Variants in PUS7 observed in about 807,000 individuals in gnomAD.
PUS7 encodes the protein pseudouridylate synthase 7 homolog.
A neutral mutation model predicts 79.8 loss-of-function variants in PUS7; 48 were observed. The ratio of observed to expected loss-of-function variants is 0.60; its 90% CI spans 0.48 to 0.76. The LOEUF (loss-of-function observed/expected upper bound fraction) is 0.76. PUS7 is among the 30% of genes least tolerant of loss of function. The pLI, the probability that PUS7 is intolerant of heterozygous loss-of-function variation, is 0.00. For synonymous variants in PUS7, 286 were observed against 272.2 expected (o/e 1.05, Z -0.50); for missense variants, 729 against 797.6 (o/e 0.91, Z 1.04).
At chr7:105,463,278 A>G (rs1461067173) in intron 13 of PUS7, among the ~76,000 whole-genome samples, 2 of 152,220 alleles carry the variant, frequency 1.3e-5, no homozygotes, top group Non-Finnish European at 2.9e-5. Context: ...TTTGTGAGGC[A>G]TGCAATTATT....
chr7:105,460,243 T>C lies in PUS7; in HGVS notation c.1758-984A>G, dbSNP rs946375177. ...GTGAGCCACCGTGCCCAGCCGACAA[T>C]TCTTTTTAAATGAAGTTGAGAGTCA... On this transcript the variant is annotated intron_variant, in intron 14 of 15. Transcript: ENST00000469408. 2.0e-5 allele frequency among the ~76,000 whole-genome samples: 3 copies of C among 152,026 alleles called. No homozygotes were observed. In the South Asian group the frequency reaches 6.2e-4, roughly 32 times the overall value.
At chr7:105,492,141 C>T (rs1824809530) in intron 6 of PUS7, among the ~76,000 whole-genome samples, 2 of 151,872 alleles carry the variant, frequency 1.3e-5, no homozygotes, top group African/African-American at 4.8e-5. Context: ...GTGGCATGCA[C>T]CTACAGTCCC....
chr7:105,482,817 A>G (rs996918235), intron 7 of PUS7, among the ~76,000 whole-genome samples: 8 of 152,184 alleles, frequency 5.3e-5, no homozygotes, highest in African/African-American at 1.9e-4. Context: ...GGTATCAAGC[A>G]TTTAAAAAAA....
At chr7:105,494,362 C>T (rs11978693) in intron 6 of PUS7, among the ~76,000 whole-genome samples, 6,762 of 151,164 alleles carry the variant, frequency 0.045, 207 homozygotes, top group South Asian at 0.12. Context: ...CAGTGGCTCA[C>T]GCCTGGAAGA....
chr7:105,467,821 G>A (rs903762979), intron 12 of PUS7, among the ~76,000 whole-genome samples: 2 of 151,882 alleles, frequency 1.3e-5, no homozygotes, highest in African/African-American at 4.8e-5. Flanking sequence ...CCGAGGTGGG[G>A]AGTTCGAGAT....
chr7:105,465,255 A>T, intron 13 of PUS7, 58 bp downstream of exon 13: 1 of 1,254,602 alleles, frequency 8.0e-7, no homozygotes, highest in Non-Finnish European at 1.2e-6. Context: ...TATGCTTGAA[A>T]TAGTAGCTTC....
At chr7:105,514,697 T>C (rs1470423537) in intron 1 of PUS7, among the ~76,000 whole-genome samples, 1 of 152,248 alleles carries the variant, frequency 6.6e-6, no homozygotes, top group Non-Finnish European at 1.5e-5. Flanking sequence ...GAGATGTGAC[T>C]ATGATCTGAG....
At position 105,470,859 on chromosome 7, in the gene PUS7, A is replaced by G. The variant is rs758760774; in HGVS notation, c.1238-11T>C. On this transcript the variant is annotated splice_polypyrimidine_tract_variant and intron_variant, in intron 10 of 15. Coordinates refer to ENST00000469408, the MANE Select transcript of PUS7 (RefSeq NM_019042.5). ...AGTAGCCCTTTTCAGCTGCGGGGGG[A>G]AAAAGCTAGGGTTAAATGACTTACC... The G allele has an allele frequency of 5.7e-6, 9 of 1,567,016 alleles. 1 individual carries two copies. The highest frequency in any genetic ancestry group is 2.3e-5 in the South Asian group (2 of 86,252).
intron 9 of PUS7, among the ~76,000 whole-genome samples, chr7:105,476,563 G>T (rs188841356): frequency 1.3e-5 from 2 of 152,166 alleles, no homozygotes. Context: ...TCACCATGTT[G>T]GTCAGGCTGG....
intron 1 of PUS7, among the ~76,000 whole-genome samples, chr7:105,513,423 A>T (rs986249897): frequency 1.3e-5 from 2 of 152,224 alleles, no homozygotes; most frequent in African/African-American, 4.8e-5. Context: ...TAAGTGGGTG[A>T]CTTAACCTCT....
chr7:105,460,830 G>A (rs1019292551), intron 14 of PUS7, among the ~76,000 whole-genome samples: 4 of 135,138 alleles, frequency 3.0e-5, no homozygotes, highest in African/African-American at 1.1e-4. Context: ...CTCCAGCCTG[G>A]GCGACAGAGC....
chr7:105,505,525 C>A (rs1269897739), intron 4 of PUS7, among the ~76,000 whole-genome samples: 1 of 152,132 alleles, frequency 6.6e-6, no homozygotes, highest in Non-Finnish European at 1.5e-5. Context: ...CCTGTTACAA[C>A]GGACATTGTG....
At chr7:105,464,818 T>C (rs1025776776) in intron 13 of PUS7, among the ~76,000 whole-genome samples, 31 of 144,816 alleles carry the variant, frequency 2.1e-4, no homozygotes, top group Admixed American at 1.1e-3. Flanking sequence ...CTTCCCTTTT[T>C]TTTTTTTTTT....
At chr7:105,518,918 G>A (rs1562826910) in intron 1 of PUS7, among the ~76,000 whole-genome samples, 2 of 151,696 alleles carry the variant, frequency 1.3e-5, no homozygotes, top group Non-Finnish European at 2.9e-5. Context: ...ACAGGCGCCC[G>A]CCACAACACC....
chr7:105,472,009 G>T, intron 10 of PUS7, 123 bp downstream of exon 10: 51 of 569,626 alleles, frequency 9.0e-5, no homozygotes, highest in East Asian at 1.4e-4. Context: ...TACTTTTATT[G>T]TAAAAACAAA....
intron 7 of PUS7, 146 bp from the exon 8 acceptor site, chr7:105,482,586 G>A (rs1824370256): frequency 6.6e-6 from 5 of 762,934 alleles, no homozygotes; most frequent in South Asian, 5.5e-5. Flanking sequence ...AGCAGGTGAG[G>A]TGGGCGTGTC....
At chr7:105,464,244 AC>A (rs869305815) in intron 13 of PUS7, among the ~76,000 whole-genome samples, 10 of 50,534 alleles carry the variant, frequency 2.0e-4, no homozygotes, top group Non-Finnish European at 3.3e-4. Context: ...TGTCAACTTG[AC>A]TGGGGTAAGG....
chr7:105,493,680 TAAG>T (rs1562806808), intron 6 of PUS7, among the ~76,000 whole-genome samples: 1 of 152,024 alleles, frequency 6.6e-6, no homozygotes, highest in Admixed American at 6.5e-5. Flanking sequence ...GGTATCCTCC[TAAG>T]AAGAGGAAAT....
chr7:105,475,131 A>G (rs999488939), intron 9 of PUS7, among the ~76,000 whole-genome samples: 3 of 152,222 alleles, frequency 2.0e-5, no homozygotes, highest in African/African-American at 7.2e-5. Context: ...TATTAAATAT[A>G]CAGAGATTTG....
Sources: allele counts gnomAD v4.1 joint callset (sites outside exome capture counted in the v4.1 genomes callset), GRCh38; gene constraint gnomAD v4.1.1; transcripts MANE v1.5; gene names NCBI Gene and HGNC (gene_info 2026-07-23, HGNC 2026-07-21).